ARMC2: variants seen among roughly 807,000 people sequenced by gnomAD.
ARMC2 encodes armadillo repeat containing 2.
In ARMC2, 67 loss-of-function variants were observed where a neutral mutation model predicts 90.3. The ratio of observed to expected loss-of-function variants is 0.74; its 90% CI spans 0.61 to 0.91. The LOEUF is 0.91. Among genes scored for constraint, ARMC2 ranks in the 40% least tolerant of loss-of-function variants. The probability of loss-of-function intolerance (pLI) is 0.00; values close to 1 mark genes in which losing one functional copy is unlikely to be tolerated. For missense variants in ARMC2, 920 were observed against 1,030.9 expected (o/e 0.89, Z 1.47); for synonymous variants, 393 against 393.0 (o/e 1.00, Z 0.00).
chr6:109,042,133 G>A, the ARMC2 span, among the ~76,000 whole-genome samples: 1 of 151,986 alleles, frequency 6.6e-6, no homozygotes, highest in African/African-American at 2.4e-5. Flanking sequence ...GTATCGGGGA[G>A]ATTTAAAAAA....
intron 12 of ARMC2, among the ~76,000 whole-genome samples, chr6:108,939,056 C>CA (rs1247904290): frequency 6.6e-6 from 1 of 152,030 alleles, no homozygotes; most frequent in Non-Finnish European, 1.5e-5. Context: ...TGGGCTCAAG[C>CA]AATCCTACCA....
intron 5 of ARMC2, among the ~76,000 whole-genome samples, chr6:108,880,850 CTTTTTTTCTCT>C (rs1777467800): frequency 6.7e-6 from 1 of 149,070 alleles, no homozygotes; most frequent in South Asian, 2.1e-4. Flanking sequence ...TCCTTCCTTC[CTTTTTTTCTCT>C]TTTTTTTCTT....
intron 12 of ARMC2, among the ~76,000 whole-genome samples, chr6:108,939,662 A>G (rs1449790296): frequency 6.6e-6 from 1 of 152,180 alleles, no homozygotes; most frequent in East Asian, 1.9e-4. Flanking sequence ...TCTAATCTCA[A>G]GTATTTATTT....
chr6:108,948,745 G>A (rs777996321), intron 12 of ARMC2, among the ~76,000 whole-genome samples: 84 of 152,006 alleles, frequency 5.5e-4, no homozygotes, highest in Non-Finnish European at 8.4e-4. Context: ...TGACAGAATC[G>A]AAGAATTTTA....
chr6:108,966,099 G>C (rs1778349939), intron 17 of ARMC2, among the ~76,000 whole-genome samples: 1 of 144,340 alleles, frequency 6.9e-6, no homozygotes, highest in Non-Finnish European at 1.5e-5. Context: ...ACCCATCACT[G>C]CCCAGCCACC....
At chr6:108,969,475 G>A (rs769297733) in intron 17 of ARMC2, among the ~76,000 whole-genome samples, 1 of 152,192 alleles carries the variant, frequency 6.6e-6, no homozygotes, top group Admixed American at 6.5e-5. Flanking sequence ...GAAGCATGCT[G>A]TGCCTAAAGA....
intron 5 of ARMC2, among the ~76,000 whole-genome samples, chr6:108,879,066 C>A (rs563943768): frequency 6.6e-6 from 1 of 151,730 alleles, no homozygotes; most frequent in Admixed American, 6.6e-5. Context: ...CCCATCCACC[C>A]ACCCATCCGT....
chr6:108,850,337 G>A (rs1773877875), intron 1 of ARMC2, among the ~76,000 whole-genome samples: 1 of 152,026 alleles, frequency 6.6e-6, no homozygotes, highest in South Asian at 2.1e-4. Flanking sequence ...TCTTTTAAAA[G>A]GTCCCTTGCC....
At chr6:108,987,539 A>T in the ARMC2 span, 3 of 1,523,534 alleles carry the variant, frequency 2.0e-6, no homozygotes, top group Non-Finnish European at 2.7e-6. Flanking sequence ...AATGAAGGAA[A>T]GGCATCAGGT....
rs1307470676 is a variant in ARMC2 at position 108,961,480 on chromosome 6, C to T, written c.1916-92C>T. The T allele has an allele frequency of 1.4e-5, 19 of 1,392,564 alleles. 2 individuals are homozygous for T. The South Asian group carries it at 1.9e-4, about 14-fold the overall frequency. The allele number at this position is 1,392,564 out of a possible 1,614,324, so 86.3% of individuals were successfully genotyped here. A position where few individuals can be genotyped will look rare whatever the true frequency, so the allele number is the denominator to read the frequency against. ...TGTAGGGACCCTGCGTGATCGCAGC[C>T]GGCTCCTGGCCCTGCTGTTGCTGTA... On this transcript the variant is annotated intron_variant, in intron 13 of 17. Coordinates refer to ENST00000392644, the MANE Select transcript of ARMC2 (RefSeq NM_032131.6).
At chr6:108,863,648 C>T (rs905138733) in intron 3 of ARMC2, among the ~76,000 whole-genome samples, 3 of 152,202 alleles carry the variant, frequency 2.0e-5, no homozygotes, top group Non-Finnish European at 4.4e-5. Flanking sequence ...TGTTGTCTTT[C>T]ATCATTATTT....
the ARMC2 span, among the ~76,000 whole-genome samples, chr6:109,008,193 G>A: frequency 2.0e-5 from 3 of 152,124 alleles, no homozygotes; most frequent in African/African-American, 7.2e-5. Context: ...GCAAGAACCA[G>A]GACTCTGCAC....
At chr6:108,881,558 T>A (rs1777586481) in intron 5 of ARMC2, among the ~76,000 whole-genome samples, 1 of 152,160 alleles carries the variant, frequency 6.6e-6, no homozygotes. Flanking sequence ...ATTAAAGATA[T>A]GAGATCTAAC....
chr6:108,998,724 G>T, the ARMC2 span: 2 of 1,613,202 alleles, frequency 1.2e-6, no homozygotes, highest in South Asian at 2.2e-5. Flanking sequence ...TTCCGCAAGG[G>T]ACCAGCTGTG....
rs569082532 is a variant in ARMC2, at chr6:108,971,631, A to G, written c.2447-1726A>G. Among the ~76,000 whole-genome samples, 1,477 of 152,268 alleles carry G rather than the reference A, an allele frequency of 9.7e-3. 29 individuals are homozygous for G. Among genetic ancestry groups the G allele is most frequent in the African/African-American group, 0.034 (1,412 of 41,566 alleles). The stretch of plus-strand genomic sequence containing the variant: ...GGATTTTCATTGGCCCTTAAAAAAA[A>G]AGTATCGGCAGCTGGGTGCAGTGGC... On this transcript the variant is annotated intron_variant, in intron 17 of 17. Transcript: ENST00000392644.
chr6:108,911,348 G>A (rs1293472237), intron 9 of ARMC2, among the ~76,000 whole-genome samples: 1 of 152,028 alleles, frequency 6.6e-6, no homozygotes, highest in Non-Finnish European at 1.5e-5. Context: ...TAATATACTA[G>A]GGATGACTAA....
intron 13 of ARMC2, among the ~76,000 whole-genome samples, chr6:108,956,427 T>C (rs1583210474): frequency 6.6e-6 from 1 of 151,810 alleles, no homozygotes; most frequent in Non-Finnish European, 1.5e-5. Context: ...CTGGGCACGG[T>C]GGTTCGCGCC....
chr6:108,948,249 A>G (rs1189211511), intron 12 of ARMC2, among the ~76,000 whole-genome samples: 1 of 152,094 alleles, frequency 6.6e-6, no homozygotes, highest in Non-Finnish European at 1.5e-5. Flanking sequence ...GAGGCCACCC[A>G]TGGTGAGGAG....
At chr6:109,048,189 C>T in the ARMC2 span, among the ~76,000 whole-genome samples, 1 of 152,138 alleles carries the variant, frequency 6.6e-6, no homozygotes, top group African/African-American at 2.4e-5. Context: ...CAAATGCCCT[C>T]CCTTAATCTT....
Sources: allele counts gnomAD v4.1 joint callset (sites outside exome capture counted in the v4.1 genomes callset), GRCh38; gene constraint gnomAD v4.1.1; transcripts MANE v1.5; gene names NCBI Gene and HGNC (gene_info 2026-07-23, HGNC 2026-07-21).